Variants in VPS33B observed in about 807,000 individuals in gnomAD.
The protein encoded by VPS33B is vacuolar protein sorting-associated protein 33B.
In VPS33B, 80 loss-of-function variants were observed where a neutral mutation model predicts 95.3. The observed-to-expected ratio is 0.84, with a 90% CI of 0.70 to 1.01. The LOEUF (loss-of-function observed/expected upper bound fraction) is 1.01, where lower values mean the gene tolerates loss of function less well. Ranked by LOEUF, VPS33B falls within the 50% of genes least tolerant of loss-of-function variation. VPS33B has a pLI of 0.00. For synonymous variants in VPS33B, 280 were observed against 280.4 expected, an observed-to-expected ratio of 1.00 and a Z score of 0.01; for missense variants, 715 against 773.4, an observed-to-expected ratio of 0.92 and a Z score of 0.90.
Position 91,006,488 on chromosome 15 carries a change from C to G in VPS33B, c.779-43G>C. The G allele has an allele frequency of 6.2e-7, 1 of 1,613,586 alleles. No homozygotes were observed. The highest frequency in any genetic ancestry group is 8.5e-7 in the Non-Finnish European group (1 of 1,179,508). On this transcript the variant is annotated intron_variant, in intron 10 of 22. Transcript: ENST00000333371. This position sits in a 1 kb window ranked among gnomAD's most constrained non-coding sequence, Gnocchi z 5.4. Reference sequence around the variant, plus strand: ...CAGCTATTAGGATCTCCAATGAGGACTTCTCCTACCATTCCCTGAACTGCC... The same window carrying G: ...CAGCTATTAGGATCTCCAATGAGGAGTTCTCCTACCATTCCCTGAACTGCC...
chr15:91,003,116 TC>T lies in VPS33B; in HGVS notation c.1240del (p.Asp414IlefsTer5). 1.2e-6 allele frequency: 2 copies of T among 1,614,194 alleles called. No individual in the cohort carries two copies. The highest frequency in any genetic ancestry group is 1.7e-6 in the Non-Finnish European group (2 of 1,180,044). Reference sequence around the variant, plus strand: ...ATACTGTGTTTTCAGAGATCGGTAATCCTTGGGGATCAAACCTAAGAGTGAA... The same window carrying T: ...ATACTGTGTTTTCAGAGATCGGTAATCTTGGGGATCAAACCTAAGAGTGAA... The part of the protein sequence containing the change: ...SITENGLIPK[D>X]YRSLKTQYLQ... On this transcript the variant is annotated frameshift_variant, in exon 17 of 23. Coordinates refer to ENST00000333371, the MANE Select transcript of VPS33B (RefSeq NM_018668.5). LOFTEE classifies it high-confidence loss of function.
rs959913931 is a variant in VPS33B at position 91,008,086 on chromosome 15, T to C, written c.404-122A>G. 28 of 864,090 alleles carry C rather than the reference T, an allele frequency of 3.2e-5. No individual in the cohort carries two copies. In the African/African-American group the frequency reaches 4.5e-4, roughly 14 times the overall value. The allele number at this position is 864,090 out of a possible 1,614,324, so 53.5% of individuals were successfully genotyped here. On this transcript the variant is annotated intron_variant, in intron 6 of 22. Coordinates refer to ENST00000333371, the MANE Select transcript of VPS33B (RefSeq NM_018668.5). ...TATATGAGTGCCTGCCACATGCCAG[T>C]ACTGCATTAAGCAATGGAGGCTCAA...
rs1450826162 is a variant in VPS33B at position 91,018,645 on chromosome 15, T to C, written c.97-760A>G. Among the ~76,000 whole-genome samples the C allele has an allele frequency of 6.6e-6, 1 of 152,184 alleles. No individual in the cohort carries two copies. Among genetic ancestry groups the C allele is most frequent in the Non-Finnish European group, 1.5e-5 (1 of 68,016 alleles). On this transcript the variant is annotated intron_variant, in intron 1 of 22. Transcript: ENST00000333371. The surrounding 1 kb of genome is among the most constrained non-coding windows in gnomAD (Gnocchi z 4.7). Reference sequence around the variant, plus strand: ...CAATGTCCAGACACATTTTTGGTTATCTGACTCAGGGTAGGGGTTTTACTG... The same window carrying C: ...CAATGTCCAGACACATTTTTGGTTACCTGACTCAGGGTAGGGGTTTTACTG...
intron 3 of VPS33B, among the ~76,000 whole-genome samples, chr15:91,016,747 T>C (rs2040939735): frequency 6.6e-6 from 1 of 152,162 alleles, no homozygotes; most frequent in African/African-American, 2.4e-5. Flanking sequence ...AATCTGGTTA[T>C]AGACTGTATT....
chr15:91,012,842 G>A (rs2040817904), intron 5 of VPS33B, among the ~76,000 whole-genome samples: 1 of 152,212 alleles, frequency 6.6e-6, no homozygotes, highest in Non-Finnish European at 1.5e-5. Context: ...AGATGGAAGA[G>A]CTCTACTCTG....
chr15:91,007,463 T>G lies in VPS33B; in HGVS notation c.603+6A>C, dbSNP rs1434924347. On this transcript the variant is annotated splice_donor_region_variant and intron_variant, in intron 8 of 22. Coordinates refer to ENST00000333371, the MANE Select transcript of VPS33B (RefSeq NM_018668.5). This position sits in a 1 kb window ranked among gnomAD's most constrained non-coding sequence, Gnocchi z 5.3. ...GCTGGGACAACAGTACTGCTAGTGCTCTTACCTTGGCGCACCTGCCAATTC... is the reference window on the plus strand; with the variant it reads ...GCTGGGACAACAGTACTGCTAGTGCGCTTACCTTGGCGCACCTGCCAATTC... 1 of 1,613,896 alleles carries G rather than the reference T, an allele frequency of 6.2e-7. No homozygotes were observed. Among genetic ancestry groups the G allele is most frequent in the Non-Finnish European group, 8.5e-7 (1 of 1,179,750 alleles).
In VPS33B at chr15:91,003,383, G is replaced by A. The variant is rs61647447; in HGVS notation, c.1226-252C>T. On this transcript the variant is annotated intron_variant, in intron 16 of 22. Coordinates refer to ENST00000333371, the MANE Select transcript of VPS33B (RefSeq NM_018668.5). Reference sequence around the variant, plus strand: ...GGGGACACTGGAACTAACGGTGATCGTAGTGGGATGTGGGGAGGATGCAGC... The same window carrying A: ...GGGGACACTGGAACTAACGGTGATCATAGTGGGATGTGGGGAGGATGCAGC... 0.043 allele frequency among the ~76,000 whole-genome samples: 6,493 copies of A among 152,228 alleles called. 432 individuals carry two copies. Among genetic ancestry groups the A allele is most frequent in the African/African-American group, 0.15 (6,047 of 41,504 alleles).
chr15:91,012,701 C>T (rs906604391), intron 5 of VPS33B, among the ~76,000 whole-genome samples: 15 of 152,156 alleles, frequency 9.9e-5, no homozygotes, highest in Admixed American at 4.6e-4. Flanking sequence ...AGGCCTGGAA[C>T]GTCATTCCTC....
rs1307510465 is a variant in VPS33B at position 91,005,215 on chromosome 15, C to G, written c.1106-96G>C. 6.2e-6 allele frequency: 10 copies of G among 1,612,282 alleles called. No individual in the cohort carries two copies. The highest frequency in any genetic ancestry group is 8.5e-6 in the Non-Finnish European group (10 of 1,179,596). Reference sequence around the variant, plus strand: ...CTGTCTCCCCATCTCTTTCTCCATCCTTGGGGTGGGTTAAGGGACCCCCAG... The same window carrying G: ...CTGTCTCCCCATCTCTTTCTCCATCGTTGGGGTGGGTTAAGGGACCCCCAG... On this transcript the variant is annotated intron_variant, in intron 14 of 22. Coordinates refer to ENST00000333371, the MANE Select transcript of VPS33B (RefSeq NM_018668.5). The surrounding 1 kb of genome is among the most constrained non-coding windows in gnomAD (Gnocchi z 6.4).
At chr15:91,019,836 G>A (rs766963471) in intron 1 of VPS33B, among the ~76,000 whole-genome samples, 17 of 150,850 alleles carry the variant, frequency 1.1e-4, no homozygotes, top group East Asian at 7.8e-4. Context: ...ATGGAGTATC[G>A]CTTTTGTTGC....
chr15:91,022,557 G>C lies in VPS33B; in HGVS notation c.-308C>G. On this transcript the variant is annotated 5_prime_UTR_variant, in exon 1 of 23. Transcript: ENST00000333371. ...CCCGCAGAGACTCCGCAGCGTACGA[G>C]GAGAACCCCGCCTTCTACCAGAAAA... 2 of 262,766 alleles carry C rather than the reference G, an allele frequency of 7.6e-6. No individual in the cohort carries two copies. Among genetic ancestry groups the C allele is most frequent in the African/African-American group, 2.2e-5 (1 of 45,324 alleles). The allele number at this position is 262,766 out of a possible 1,614,324, so 16.3% of individuals were successfully genotyped here.
chr15:91,000,978 CTT>C lies in VPS33B; in HGVS notation c.1480-389_1480-388del, dbSNP rs1292430663. The stretch of plus-strand genomic sequence containing the variant: ...CTATAAGACTACCAAACAAAAGAAT[CTT>C]TATACACATGAAATGACAAAAAGGT... On this transcript the variant is annotated intron_variant, in intron 19 of 22. Coordinates refer to ENST00000333371, the MANE Select transcript of VPS33B (RefSeq NM_018668.5). This position sits in a 1 kb window ranked among gnomAD's most constrained non-coding sequence, Gnocchi z 4.9. 2.9e-6 allele frequency: 1 copy of C among 350,818 alleles called. No individual in the cohort carries two copies. The highest frequency in any genetic ancestry group is 5.4e-6 in the Non-Finnish European group (1 of 183,846). The allele number at this position is 350,818 out of a possible 1,614,324, so 21.7% of individuals were successfully genotyped here. A position where few individuals can be genotyped will look rare whatever the true frequency, so the allele number is the denominator to read the frequency against.
At position 91,018,112 on chromosome 15, in the gene VPS33B, C is replaced by A; in HGVS notation, c.97-227G>T. 3 of 539,682 alleles carry A rather than the reference C, an allele frequency of 5.6e-6. No homozygotes were observed. Among genetic ancestry groups the A allele is most frequent in the Non-Finnish European group, 1.0e-5 (3 of 294,154 alleles). 33.4% of individuals were successfully genotyped at this position (539,682 alleles called of 1,614,324 possible). ...GTACCAGTGGGAAGAAGACATCCCACCTTCTTTCTCAGGTTAACTCCTTGT... is the reference window on the plus strand; with the variant it reads ...GTACCAGTGGGAAGAAGACATCCCAACTTCTTTCTCAGGTTAACTCCTTGT... On this transcript the variant is annotated intron_variant, in intron 1 of 22. Coordinates refer to ENST00000333371, the MANE Select transcript of VPS33B (RefSeq NM_018668.5). The surrounding 1 kb of genome is among the most constrained non-coding windows in gnomAD (Gnocchi z 4.7).
chr15:91,006,276 A>G lies in VPS33B; in HGVS notation c.852+96T>C. On this transcript the variant is annotated intron_variant, in intron 11 of 22. Transcript: ENST00000333371. The surrounding 1 kb of genome is among the most constrained non-coding windows in gnomAD (Gnocchi z 5.4). ...TCCCATAGACTCAGCCTCCCCTCTCAGAGCTGGGGCCCACAGCCTGGTATA... is the reference window on the plus strand; with the variant it reads ...TCCCATAGACTCAGCCTCCCCTCTCGGAGCTGGGGCCCACAGCCTGGTATA... The G allele has an allele frequency of 6.4e-7, 1 of 1,552,648 alleles. No individual in the cohort carries two copies. Among genetic ancestry groups the G allele is most frequent in the East Asian group, 2.2e-5 (1 of 44,494 alleles).
chr15:91,004,092 C>T (rs376643397), intron 16 of VPS33B, among the ~76,000 whole-genome samples: 6 of 151,896 alleles, frequency 4.0e-5, no homozygotes, highest in African/African-American at 9.7e-5. Flanking sequence ...GGTATGATAG[C>T]GTGCATCTGT....
At chr15:91,017,382 A>T (rs1486758496) in intron 2 of VPS33B, among the ~76,000 whole-genome samples, 1 of 77,726 alleles carries the variant, frequency 1.3e-5, no homozygotes, top group African/African-American at 4.7e-5. Context: ...ATATATATAT[A>T]TATATATATA....
rs939744540 is a variant in VPS33B, at chr15:91,016,000, C to G, written c.239+963G>C. Among the ~76,000 whole-genome samples, 2 of 151,998 alleles carry G rather than the reference C, an allele frequency of 1.3e-5. No individual in the cohort carries two copies. Among genetic ancestry groups the G allele is most frequent in the African/African-American group, 4.8e-5 (2 of 41,370 alleles). On this transcript the variant is annotated intron_variant, in intron 3 of 22. Transcript: ENST00000333371. This position sits in a 1 kb window ranked among gnomAD's most constrained non-coding sequence, Gnocchi z 4.7. ...CAGAAATACTTTAAAATCAAGACAA[C>G]AGCTGTACATGACTACATGCCGAGC...
rs770017145 is a variant in VPS33B, at chr15:91,005,429, C to T, written c.1056G>A (p.Met352Ile). The change falls in exon 14 of 23, where the codon ATG becomes ATA. Residue 352 changes from methionine to isoleucine, a missense_variant. Met to Ile is a conservative substitution (Grantham distance 10). Transcript: ENST00000333371. This position sits in a 1 kb window ranked among gnomAD's most constrained non-coding sequence, Gnocchi z 6.4. ...GGAAATCCTGCTTGGTTTTCTTCTTCATGATGGATTCACAGGCCCCAATAT... is the reference window on the plus strand; with the variant it reads ...GGAAATCCTGCTTGGTTTTCTTCTTTATGATGGATTCACAGGCCCCAATAT... ...SLHIGACESI[M>I]KKKTKQDFQE... 14 of 1,613,976 alleles carry T rather than the reference C, an allele frequency of 8.7e-6. No individual in the cohort carries two copies. The highest frequency in any genetic ancestry group is 1.7e-5 in the Admixed American group (1 of 59,998).
chr15:91,001,095 C>T, intron 19 of VPS33B: 1 of 384,980 alleles, frequency 2.6e-6, no homozygotes, highest in Non-Finnish European at 4.9e-6. Flanking sequence ...GTGGGCGGAT[C>T]ACCTGAGGTC....
Sources: gnomAD v4.1 joint callset for allele counts (sites outside exome capture counted in the v4.1 genomes callset) on GRCh38, gnomAD v4.1.1 for gene constraint, Gnocchi (gnomAD v3.1) non-coding constraint, MANE v1.5 for transcripts, NCBI Gene and HGNC (gene_info 2026-07-23, HGNC 2026-07-21) for gene names.